STAT3: variants seen among roughly 807,000 people sequenced by gnomAD.
STAT3 encodes DNA-binding protein APRF.
A neutral mutation model predicts 114.3 loss-of-function variants in STAT3; 7 were observed. That is an observed-to-expected ratio of 0.06 (90% CI 0.03 to 0.11). STAT3 has a LOEUF of 0.11. Ranked by LOEUF, STAT3 falls within the 10% of genes least tolerant of loss-of-function variation. The pLI is 1.00. For synonymous variants in STAT3, 331 were observed against 354.5 expected (o/e 0.93, Z 0.74); for missense variants, 364 against 960.9 (o/e 0.38, Z 8.21).
intron 14 of STAT3, 113 bp from the exon 15 acceptor site, chr17:42,326,312 A>T (rs2081720432): frequency 1.1e-6 from 1 of 885,760 alleles, no homozygotes; most frequent in Non-Finnish European, 1.8e-6. Flanking sequence ...GTTCGAGACC[A>T]GTCTAAGCAG....
chr17:42,346,824 T>A, intron 2 of STAT3, 111 bp from the exon 3 acceptor site: 1 of 1,411,360 alleles, frequency 7.1e-7, no homozygotes, highest in Non-Finnish European at 9.9e-7. Flanking sequence ...GCAAACCTGA[T>A]GCTATAACCC....
At chr17:42,325,366 C>T (rs983052191) in intron 15 of STAT3, among the ~76,000 whole-genome samples, 1 of 152,100 alleles carries the variant, frequency 6.6e-6, no homozygotes, top group African/African-American at 2.4e-5. Context: ...GAGGCATTCT[C>T]CAAGACTTGA....
chr17:42,329,465 A>C lies in STAT3; in HGVS notation c.1234-8T>G. The C allele has an allele frequency of 6.2e-7, 1 of 1,614,178 alleles. No homozygotes were observed. On this transcript the variant is annotated splice_polypyrimidine_tract_variant and splice_region_variant and intron_variant, in intron 13 of 23. Coordinates refer to ENST00000264657, the MANE Select transcript of STAT3 (RefSeq NM_139276.3). ...TCTCTGCTCCCTCAGGGTCTGTAAG[A>C]AAAGAAAAAGGCAGGTGTCCTGTGA...
At chr17:42,360,740 C>T (rs1050317911) in intron 1 of STAT3, among the ~76,000 whole-genome samples, 3 of 151,908 alleles carry the variant, frequency 2.0e-5, no homozygotes, top group African/African-American at 7.3e-5. Flanking sequence ...AATAGACATA[C>T]TAGTACTTGG....
At chr17:42,344,008 GA>G (rs1461833408) in intron 4 of STAT3, among the ~76,000 whole-genome samples, 2 of 152,146 alleles carry the variant, frequency 1.3e-5, no homozygotes, top group African/African-American at 4.8e-5. Context: ...GGATCCCTCA[GA>G]AAAGTATCAA....
At chr17:42,317,414 T>C (rs955161058) in intron 21 of STAT3, 190 bp from the exon 22 acceptor site, 1 of 675,950 alleles carries the variant, frequency 1.5e-6, no homozygotes, top group Non-Finnish European at 2.6e-6. Flanking sequence ...TCCCAGGCAC[T>C]AGCAGCTGTG....
At chr17:42,340,175 C>G (rs576791707) in intron 4 of STAT3, among the ~76,000 whole-genome samples, 5 of 151,628 alleles carry the variant, frequency 3.3e-5, no homozygotes, top group African/African-American at 1.2e-4. Flanking sequence ...CTGACCGACA[C>G]GGAGAAACCC....
At chr17:42,321,007 A>C (rs2081454745) in intron 21 of STAT3, among the ~76,000 whole-genome samples, 1 of 150,696 alleles carries the variant, frequency 6.6e-6, no homozygotes, top group Non-Finnish European at 1.5e-5. Context: ...GCTGGTCTTG[A>C]GTTCCTGGCC....
At chr17:42,383,681 G>A (rs2084927373) in intron 1 of STAT3, among the ~76,000 whole-genome samples, 3 of 152,096 alleles carry the variant, frequency 2.0e-5, no homozygotes, top group African/African-American at 4.8e-5. Flanking sequence ...ATAAGGGCTG[G>A]GCCAGCCCAG....
chr17:42,381,594 T>C (rs1174266830), intron 1 of STAT3, among the ~76,000 whole-genome samples: 1 of 150,866 alleles, frequency 6.6e-6, no homozygotes, highest in Non-Finnish European at 1.5e-5. Context: ...TAGCTGGGCG[T>C]GGTGGCGGGC....
chr17:42,350,318 G>A (rs1598449364), intron 1 of STAT3, among the ~76,000 whole-genome samples: 1 of 152,168 alleles, frequency 6.6e-6, no homozygotes, highest in Non-Finnish European at 1.5e-5. Flanking sequence ...GGCAGCAAAT[G>A]TAACGGAATG....
intron 1 of STAT3, among the ~76,000 whole-genome samples, chr17:42,350,864 G>C (rs955271895): frequency 1.3e-5 from 2 of 152,180 alleles, no homozygotes; most frequent in Non-Finnish European, 2.9e-5. Flanking sequence ...TGGGTGCAGT[G>C]GCTCACGCCT....
intron 1 of STAT3, among the ~76,000 whole-genome samples, chr17:42,365,056 T>C (rs1362870983): frequency 6.6e-5 from 10 of 152,186 alleles, no homozygotes; most frequent in African/African-American, 1.2e-4. Flanking sequence ...TTGGATAACA[T>C]GGCCCTAAAT....
At chr17:42,316,948 GAC>G (rs1299800285) in intron 22 of STAT3, 47 bp from the exon 23 acceptor site, 17 of 1,570,206 alleles carry the variant, frequency 1.1e-5, no homozygotes, top group Non-Finnish European at 1.3e-5. Flanking sequence ...GGGTTGACAA[GAC>G]ACAATGGAAA....
intron 1 of STAT3, among the ~76,000 whole-genome samples, chr17:42,361,101 C>T (rs112432288): frequency 3.0e-4 from 46 of 152,108 alleles, no homozygotes; most frequent in Admixed American, 3.0e-3. Flanking sequence ...CTGGCTGACA[C>T]TAAAAAATAT....
intron 14 of STAT3, among the ~76,000 whole-genome samples, chr17:42,329,197 A>G (rs1000533539): frequency 6.6e-6 from 1 of 152,134 alleles, no homozygotes; most frequent in South Asian, 2.1e-4. Flanking sequence ...GGAGGAGCCA[A>G]CTCCCAGATA....
chr17:42,318,604 A>G (rs1431546399), intron 21 of STAT3, among the ~76,000 whole-genome samples: 1 of 152,216 alleles, frequency 6.6e-6, no homozygotes, highest in Non-Finnish European at 1.5e-5. Flanking sequence ...AGGTCAAGGA[A>G]CCTTGGGGAT....
rs1466735862 is a variant in STAT3, at chr17:42,313,822, G to A, written c.*1923C>T. On this transcript the variant is annotated 3_prime_UTR_variant, in exon 24 of 24. Transcript: ENST00000264657. Reference sequence around the variant, plus strand: ...TATTATGTACTGAAGAGTGTTGCTGGAGAAGTAAGAGCTCTGCATGACACA... The same window carrying A: ...TATTATGTACTGAAGAGTGTTGCTGAAGAAGTAAGAGCTCTGCATGACACA... The A allele has an allele frequency of 2.6e-5, 6 of 232,890 alleles. No homozygotes were observed. The highest frequency in any genetic ancestry group is 4.3e-5 in the Non-Finnish European group (5 of 117,562). The allele number at this position is 232,890 out of a possible 1,614,324, so 14.4% of individuals were successfully genotyped here.
intron 23 of STAT3, chr17:42,316,521 A>C: frequency 1.1e-6 from 1 of 898,546 alleles, no homozygotes; most frequent in Non-Finnish European, 1.6e-6. Context: ...CCCAGCCTCA[A>C]CTTTTTCTGA....
Sources: gnomAD v4.1 joint callset for allele counts (sites outside exome capture counted in the v4.1 genomes callset) on GRCh38, gnomAD v4.1.1 for gene constraint, MANE v1.5 for transcripts, NCBI Gene and HGNC (gene_info 2026-07-23, HGNC 2026-07-21) for gene names.